EFL1: variants seen among roughly 807,000 people sequenced by gnomAD.
EFL1 encodes elongation factor-like GTPase 1.
A neutral mutation model predicts 126.7 loss-of-function variants in EFL1; 76 were observed. The observed-to-expected ratio is 0.60, with a 90% CI of 0.50 to 0.73. The LOEUF (loss-of-function observed/expected upper bound fraction) is 0.73, where lower values mean the gene tolerates loss of function less well. Among genes scored for constraint, EFL1 ranks in the 30% least tolerant of loss-of-function variants. EFL1 has a pLI of 0.00. For missense variants in EFL1, 1,128 were observed against 1,343.2 expected (o/e 0.84, Z 2.50); for synonymous variants, 410 against 448.4 (o/e 0.91, Z 1.08).
chr15:82,196,504 C>T (rs2074409279), intron 15 of EFL1, among the ~76,000 whole-genome samples: 1 of 152,162 alleles, frequency 6.6e-6, no homozygotes, highest in Non-Finnish European at 1.5e-5. Flanking sequence ...TATACAACTA[C>T]ACAGAAAATA....
intron 15 of EFL1, among the ~76,000 whole-genome samples, chr15:82,201,096 G>T (rs1381199588): frequency 6.6e-6 from 1 of 152,198 alleles, no homozygotes; most frequent in African/African-American, 2.4e-5. Context: ...GGCTGCCTGA[G>T]AATATTTTAA....
chr15:82,138,707 T>C lies in EFL1; in HGVS notation c.3125A>G (p.Lys1042Arg). 1 of 1,614,042 alleles carries C rather than the reference T, an allele frequency of 6.2e-7. No individual in the cohort carries two copies. The highest frequency in any genetic ancestry group is 8.5e-7 in the Non-Finnish European group (1 of 1,179,920). Residue 1042 changes from lysine to arginine, a missense_variant, in exon 19 of 20, where the codon AAG becomes AGG. By Grantham distance (26) the Lys-to-Arg change is conservative. Coordinates refer to ENST00000268206, the MANE Select transcript of EFL1 (RefSeq NM_024580.6). ...TGGGCTGGCCAGGCCACTTGTCCTCTTCCTGATTTCATCAGCAAAACCAAA... is the reference window on the plus strand; with the variant it reads ...TGGGCTGGCCAGGCCACTTGTCCTCCTCCTGATTTCATCAGCAAAACCAAA... ...ESFGFADEIR[K>R]RTSGLASPQL... is the part of the protein sequence containing the mutation.
intron 5 of EFL1, among the ~76,000 whole-genome samples, chr15:82,240,996 G>A (rs1372894297): frequency 1.3e-5 from 2 of 152,210 alleles, no homozygotes; most frequent in Admixed American, 6.5e-5. Context: ...GTTGCAGTAA[G>A]CCAAGATCAT....
chr15:82,161,498 C>T (rs1031978076), intron 16 of EFL1, among the ~76,000 whole-genome samples: 2 of 152,010 alleles, frequency 1.3e-5, no homozygotes, highest in Non-Finnish European at 1.5e-5. Flanking sequence ...GAAGGCAAAA[C>T]AAAGAGTACA....
At chr15:82,234,156 C>T (rs1390693325) in intron 7 of EFL1, among the ~76,000 whole-genome samples, 2 of 152,148 alleles carry the variant, frequency 1.3e-5, no homozygotes, top group East Asian at 3.8e-4. Context: ...GTGATTTAGA[C>T]TAAAATTAGC....
At chr15:82,136,227 T>TA (rs2141210288) in intron 19 of EFL1, among the ~76,000 whole-genome samples, 1 of 152,362 alleles carries the variant, frequency 6.6e-6, no homozygotes, top group East Asian at 1.9e-4. Flanking sequence ...ATGATGCCAT[T>TA]ACAACAGCTC....
At chr15:82,260,246 A>G (rs574834752) in intron 2 of EFL1, among the ~76,000 whole-genome samples, 7 of 152,126 alleles carry the variant, frequency 4.6e-5, no homozygotes, top group African/African-American at 1.7e-4. Context: ...GAAAAAAAAA[A>G]CCCTTTTATC....
At chr15:82,146,612 A>G (rs908774251) in intron 18 of EFL1, among the ~76,000 whole-genome samples, 7 of 28,498 alleles carry the variant, frequency 2.5e-4, no homozygotes, top group Admixed American at 1.7e-3. Flanking sequence ...CAATTCGAGA[A>G]AAAAAAAAAA....
intron 15 of EFL1, among the ~76,000 whole-genome samples, chr15:82,205,926 T>G (rs556723169): frequency 2.0e-5 from 3 of 152,364 alleles, no homozygotes; most frequent in African/African-American, 7.2e-5. Flanking sequence ...CAGACACATC[T>G]TAAGTTGTAA....
At chr15:82,257,841 C>G (rs1379070244) in intron 3 of EFL1, among the ~76,000 whole-genome samples, 1 of 152,218 alleles carries the variant, frequency 6.6e-6, no homozygotes, top group Non-Finnish European at 1.5e-5. Flanking sequence ...TTCACTGATC[C>G]TTTCTATAAA....
At chr15:82,217,571 C>T (rs2074663909) in intron 14 of EFL1, among the ~76,000 whole-genome samples, 2 of 148,662 alleles carry the variant, frequency 1.3e-5, no homozygotes, top group Non-Finnish European at 3.0e-5. Context: ...CAATGAAATT[C>T]CATTTATACA....
At chr15:82,143,673 T>C (rs2073812526) in intron 18 of EFL1, among the ~76,000 whole-genome samples, 1 of 152,186 alleles carries the variant, frequency 6.6e-6, no homozygotes. Flanking sequence ...ATAGATCAGC[T>C]ACAAGTTTAT....
Position 82,252,730 on chromosome 15 carries a change from T to A in EFL1, c.205A>T (p.Thr69Ser). The A allele has an allele frequency of 1.2e-6, 2 of 1,613,524 alleles. No individual in the cohort carries two copies. Among genetic ancestry groups the A allele is most frequent in the South Asian group, 1.1e-5 (1 of 91,028 alleles). ...AGGGAAATGGCACTGGATTTCATAG[T>A]GATCCCTCGGATCTGTTCATCTTCT... ...SREDEQIRGI[T>S]MKSSAISLHY... Residue 69 changes from threonine (T) to serine (S), a missense_variant, in exon 4 of 20, where the codon ACT becomes TCT. Thr to Ser is a moderately conservative substitution (Grantham distance 58, BLOSUM62 1). Coordinates refer to ENST00000268206, the MANE Select transcript of EFL1 (RefSeq NM_024580.6).
chr15:82,221,375 C>A (rs144176755), intron 12 of EFL1, among the ~76,000 whole-genome samples: 2 of 152,286 alleles, frequency 1.3e-5, no homozygotes, highest in East Asian at 3.9e-4. Flanking sequence ...TTCCAAATGG[C>A]CACAGACCCT....
intron 4 of EFL1, among the ~76,000 whole-genome samples, chr15:82,244,614 G>A (rs1030256801): frequency 1.3e-5 from 2 of 151,958 alleles, no homozygotes; most frequent in Admixed American, 1.3e-4. Flanking sequence ...ATGTTCCAGG[G>A]GGCTGAAAAA....
intron 14 of EFL1, among the ~76,000 whole-genome samples, chr15:82,217,880 T>C (rs1217419054): frequency 6.6e-6 from 1 of 152,170 alleles, no homozygotes; most frequent in South Asian, 2.1e-4. Flanking sequence ...CTCTCTTATA[T>C]GGCTTGATGA....
chr15:82,174,738 G>A (rs904395619), intron 15 of EFL1, among the ~76,000 whole-genome samples: 1 of 152,146 alleles, frequency 6.6e-6, no homozygotes, highest in Non-Finnish European at 1.5e-5. Flanking sequence ...TAGTCCCACT[G>A]CCAAACCCTA....
At chr15:82,131,758 C>G (rs1350341750) in intron 19 of EFL1, among the ~76,000 whole-genome samples, 1 of 152,018 alleles carries the variant, frequency 6.6e-6, no homozygotes, top group Non-Finnish European at 1.5e-5. Context: ...CACCATTGCA[C>G]TCCAGCCTGG....
chr15:82,161,450 G>A (rs1250848208), intron 16 of EFL1, among the ~76,000 whole-genome samples: 6 of 152,174 alleles, frequency 3.9e-5, no homozygotes, highest in Non-Finnish European at 4.4e-5. Flanking sequence ...CAGACATTCT[G>A]AATGTAAAAT....
Sources: gnomAD v4.1 joint callset for allele counts (sites outside exome capture counted in the v4.1 genomes callset) on GRCh38, gnomAD v4.1.1 for gene constraint, MANE v1.5 for transcripts, NCBI Gene and HGNC (gene_info 2026-07-23, HGNC 2026-07-21) for gene names.